JAM2: variants seen among roughly 807,000 people sequenced by gnomAD.
The protein encoded by JAM2 is junctional adhesion molecule B.
A neutral mutation model predicts 42.0 loss-of-function variants in JAM2; 17 were observed. That is an observed-to-expected ratio of 0.40 (90% CI 0.28 to 0.61). JAM2 has a LOEUF of 0.61. JAM2 is among the 20% of genes least tolerant of loss of function. The probability of loss-of-function intolerance (pLI) is 0.37; values close to 1 mark genes in which losing one functional copy is unlikely to be tolerated. For synonymous variants in JAM2, 118 were observed against 128.6 expected, an observed-to-expected ratio of 0.92 and a Z score of 0.56; for missense variants, 319 against 358.3, an observed-to-expected ratio of 0.89 and a Z score of 0.89.
Position 25,700,948 on chromosome 21 carries a change from T to C in JAM2, c.598-1222T>C, listed in dbSNP as rs908867017. 5.6e-4 allele frequency among the ~76,000 whole-genome samples: 85 copies of C among 152,354 alleles called. 1 individual carries two copies. Among genetic ancestry groups the C allele is most frequent in the African/African-American group, 1.9e-3 (81 of 41,582 alleles). On this transcript the variant is annotated intron_variant, in intron 5 of 9. Transcript: ENST00000480456. Reference sequence around the variant, plus strand: ...ATTTATTTTTTCTCAGGGCAGTTGGTAAAAGCCCCAAGGCAAGTCTGAAAG... The same window carrying C: ...ATTTATTTTTTCTCAGGGCAGTTGGCAAAAGCCCCAAGGCAAGTCTGAAAG...
chr21:25,641,688 C>A (rs1322183586), intron 1 of JAM2, among the ~76,000 whole-genome samples: 2 of 152,076 alleles, frequency 1.3e-5, no homozygotes, highest in Non-Finnish European at 2.9e-5. Flanking sequence ...TACTCCACAC[C>A]CAGTTTCCCA....
chr21:25,646,619 T>C (rs910379591), intron 1 of JAM2, among the ~76,000 whole-genome samples: 3 of 151,562 alleles, frequency 2.0e-5, no homozygotes, highest in Non-Finnish European at 4.4e-5. Context: ...GGAGGATGGA[T>C]GGATGTGTGC....
At chr21:25,698,582 C>A in intron 4 of JAM2, 95 bp from the exon 5 acceptor site, 1 of 1,053,688 alleles carries the variant, frequency 9.5e-7, no homozygotes, top group Non-Finnish European at 1.4e-6. Flanking sequence ...CTATTAAAAC[C>A]ATTGATTGTA....
At position 25,712,400 on chromosome 21, in the gene JAM2, A is replaced by G. The variant is rs771174613; in HGVS notation, c.864+18A>G. On this transcript the variant is annotated intron_variant, in intron 9 of 9. Coordinates refer to ENST00000480456, the MANE Select transcript of JAM2 (RefSeq NM_021219.4). Reference sequence around the variant, plus strand: ...GTGAAAATGTGAGTATCTTTAAAGCATATTTATAGAATGAATATGTTTGGG... The same window carrying G: ...GTGAAAATGTGAGTATCTTTAAAGCGTATTTATAGAATGAATATGTTTGGG... 3 of 1,529,008 alleles carry G rather than the reference A, an allele frequency of 2.0e-6. No individual in the cohort carries two copies. The highest frequency in any genetic ancestry group is 2.3e-5 in the East Asian group (1 of 44,358). 94.7% of individuals were successfully genotyped at this position (1,529,008 alleles called of 1,614,324 possible).
intron 3 of JAM2, among the ~76,000 whole-genome samples, chr21:25,693,226 T>A (rs1300821882): frequency 6.6e-6 from 1 of 151,846 alleles, no homozygotes; most frequent in Non-Finnish European, 1.5e-5. Flanking sequence ...CAAAATGAAA[T>A]AAAATATGAG....
At chr21:25,703,984 C>T (rs114758170) in intron 6 of JAM2, among the ~76,000 whole-genome samples, 1 of 151,858 alleles carries the variant, frequency 6.6e-6, no homozygotes, top group African/African-American at 2.4e-5. Flanking sequence ...CAGAACAAGA[C>T]AATTTTTTGT....
intron 5 of JAM2, among the ~76,000 whole-genome samples, chr21:25,700,550 G>C (rs538757452): frequency 6.6e-6 from 1 of 152,142 alleles, no homozygotes; most frequent in African/African-American, 2.4e-5. Flanking sequence ...TAGTAGAGAC[G>C]GGGTTTCTCC....
intron 1 of JAM2, among the ~76,000 whole-genome samples, chr21:25,657,655 A>G (rs764717838): frequency 2.8e-4 from 43 of 152,218 alleles, no homozygotes; most frequent in Non-Finnish European, 5.6e-4. Context: ...CTTAGTAATC[A>G]TATGGTTTTA....
intron 1 of JAM2, among the ~76,000 whole-genome samples, chr21:25,658,228 T>C (rs2032990954): frequency 6.6e-6 from 1 of 152,040 alleles, no homozygotes; most frequent in South Asian, 2.1e-4. Context: ...ATTGATTAAA[T>C]ATAGGGGACA....
rs1290612121 is a variant in JAM2, at chr21:25,658,828, TCA to T, written c.67+18943_67+18944del. Among the ~76,000 whole-genome samples, 3 of 152,348 alleles carry T rather than the reference TCA, an allele frequency of 2.0e-5. No individual in the cohort carries two copies. In the East Asian group the frequency reaches 5.8e-4, roughly 29 times the overall value. ...GTGAGACCCACAGGACTATTTTTAT[TCA>T]CAGTGTCATAAATGAGAAACACGGG... On this transcript the variant is annotated intron_variant, in intron 1 of 9. Coordinates refer to ENST00000480456, the MANE Select transcript of JAM2 (RefSeq NM_021219.4).
At chr21:25,694,045 G>A in intron 4 of JAM2, 137 bp downstream of exon 4, 1 of 779,346 alleles carries the variant, frequency 1.3e-6, no homozygotes. Flanking sequence ...GAGACCATAA[G>A]CATCACCTTC....
Position 25,651,509 on chromosome 21 carries a change from A to G in JAM2, c.67+11621A>G, listed in dbSNP as rs529991159. ...GGAGCTGTGAGATGATACAACTGCT[A>G]TGGAGCAGCAATATGTAGAAAAATT... On this transcript the variant is annotated intron_variant, in intron 1 of 9. Coordinates refer to ENST00000480456, the MANE Select transcript of JAM2 (RefSeq NM_021219.4). Among the ~76,000 whole-genome samples, 6 of 152,328 alleles carry G rather than the reference A, an allele frequency of 3.9e-5. No individual in the cohort carries two copies. In the South Asian group the frequency reaches 8.3e-4, roughly 21 times the overall value.
chr21:25,643,821 G>A (rs926941906), intron 1 of JAM2: 1 of 152,174 alleles, frequency 6.6e-6, no homozygotes, highest in Non-Finnish European at 1.5e-5. Context: ...CACATGAGCA[G>A]TTTAATGAGA....
chr21:25,639,623 C>A lies in JAM2; in HGVS notation c.-199C>A. The A allele has an allele frequency of 1.9e-6, 1 of 528,360 alleles. No homozygotes were observed. Among genetic ancestry groups the A allele is most frequent in the Non-Finnish European group, 3.4e-6 (1 of 298,028 alleles). The allele number at this position is 528,360 out of a possible 1,614,324, so 32.7% of individuals were successfully genotyped here. ...AGACCCCCATCCCTGGGCTGGAGGA[C>A]CCGCCTCTTGGCAGCCAGCTGAGAA... On this transcript the variant is annotated 5_prime_UTR_variant, in exon 1 of 10. Transcript: ENST00000480456.
At position 25,712,449 on chromosome 21, in the gene JAM2, A is replaced by T. The variant is rs578097748; in HGVS notation, c.864+67A>T. On this transcript the variant is annotated intron_variant, in intron 9 of 9. Transcript: ENST00000480456. ...GGGAATAGGGCAGGGAAATGAAGTA[A>T]TTATATGGACTTTGTGAATTTTCAC... 8 of 1,122,230 alleles carry T rather than the reference A, an allele frequency of 7.1e-6. No homozygotes were observed. The East Asian group carries it at 1.4e-4, about 20-fold the overall frequency. The allele number at this position is 1,122,230 out of a possible 1,614,324, so 69.5% of individuals were successfully genotyped here.
intron 2 of JAM2, among the ~76,000 whole-genome samples, chr21:25,688,673 C>T (rs11087973): frequency 0.095 from 14,435 of 152,180 alleles, 836 homozygotes; most frequent in East Asian, 0.3. Context: ...CCTTTCTTTT[C>T]TCTGCCCTAC....
chr21:25,646,692 T>C (rs9974244), intron 1 of JAM2, among the ~76,000 whole-genome samples: 95,868 of 152,002 alleles, frequency 0.63, 31,563 homozygotes, highest in Non-Finnish European at 0.74. Flanking sequence ...GGCCAGTGAA[T>C]GGGTAGGAAA....
At chr21:25,703,072 G>T (rs192929025) in intron 6 of JAM2, among the ~76,000 whole-genome samples, 2 of 152,130 alleles carry the variant, frequency 1.3e-5, no homozygotes, top group African/African-American at 4.8e-5. Flanking sequence ...GGCTGCTCTC[G>T]AACTCCTGAC....
At chr21:25,652,160 A>C (rs2032800688) in intron 1 of JAM2, among the ~76,000 whole-genome samples, 1 of 152,114 alleles carries the variant, frequency 6.6e-6, no homozygotes, top group Non-Finnish European at 1.5e-5. Flanking sequence ...CCCAGGCAGG[A>C]AGATTGCTTA....
Sources: allele counts gnomAD v4.1 joint callset (sites outside exome capture counted in the v4.1 genomes callset), GRCh38; gene constraint gnomAD v4.1.1; transcripts MANE v1.5; gene names NCBI Gene and HGNC (gene_info 2026-07-23, HGNC 2026-07-21).